Variants in WWOX observed in about 807,000 individuals in gnomAD.
WWOX encodes the protein WW domain containing oxidoreductase.
Under a neutral mutation model 46.2 loss-of-function variants are expected in WWOX, and 69 were observed. That is an observed-to-expected ratio of 1.49 (90% confidence interval 1.23 to 1.82). The LOEUF is 1.82. WWOX is among the 40% of genes most tolerant of loss of function. The probability of loss-of-function intolerance (pLI) is 0.00; values close to 1 mark genes in which losing one functional copy is unlikely to be tolerated. For missense variants in WWOX, 919 were observed against 542.6 expected, an observed-to-expected ratio of 1.69 and a Z score of -6.89; for synonymous variants, 359 against 202.6, an observed-to-expected ratio of 1.77 and a Z score of -6.56.
intron 8 of WWOX, among the ~76,000 whole-genome samples, chr16:79,073,917 CT>C (rs2048599686): frequency 6.6e-6 from 1 of 151,742 alleles, no homozygotes; most frequent in Non-Finnish European, 1.5e-5. Context: ...TTTTAATTTC[CT>C]TTTTCTAGCA....
chr16:78,273,931 A>T (rs1432773333), intron 5 of WWOX, among the ~76,000 whole-genome samples: 1 of 152,148 alleles, frequency 6.6e-6, no homozygotes. Context: ...TAGATCTGGC[A>T]CTCAGGAGGG....
chr16:78,805,216 C>A (rs191749495), intron 8 of WWOX, among the ~76,000 whole-genome samples: 2 of 152,244 alleles, frequency 1.3e-5, no homozygotes, highest in East Asian at 3.9e-4. Flanking sequence ...CTGATGAGTT[C>A]ACCACTGCCT....
chr16:78,528,727 G>A (rs866007905), intron 8 of WWOX, among the ~76,000 whole-genome samples: 9 of 151,842 alleles, frequency 5.9e-5, no homozygotes, highest in East Asian at 3.9e-4. Flanking sequence ...AAATTTGGCC[G>A]GTGAAAATGA....
intron 5 of WWOX, chr16:78,270,608 G>T (rs62035667): frequency 6.6e-6 from 1 of 152,216 alleles, no homozygotes; most frequent in Non-Finnish European, 1.5e-5. Context: ...GAAGTCCTCT[G>T]TATCTGATCC....
At chr16:78,968,118 GGCACAGCGC>G in intron 8 of WWOX, among the ~76,000 whole-genome samples, 1 of 7,512 alleles carries the variant, frequency 1.3e-4, no homozygotes, top group Non-Finnish European at 5.5e-4. Context: ...TGGTCCGCGT[GGCACAGCGC>G]GTGGTCCGTG....
intron 4 of WWOX, 63 bp from the exon 5 acceptor site, chr16:78,164,120 A>G: frequency 6.8e-6 from 10 of 1,470,382 alleles, no homozygotes; most frequent in South Asian, 1.2e-5. Flanking sequence ...GGTAAAGGCC[A>G]TTCAACATGA....
intron 1 of WWOX, among the ~76,000 whole-genome samples, chr16:78,106,923 C>A (rs151251844): frequency 6.6e-6 from 1 of 152,174 alleles, no homozygotes; most frequent in African/African-American, 2.4e-5. Context: ...GCATGGGCTG[C>A]TCAGGTCTTC....
chr16:78,578,942 C>G (rs1410006979), intron 8 of WWOX, among the ~76,000 whole-genome samples: 2 of 152,176 alleles, frequency 1.3e-5, no homozygotes, highest in Non-Finnish European at 2.9e-5. Context: ...GTTGATATTA[C>G]TTATGAACTT....
chr16:79,033,155 A>T (rs1270978569), intron 8 of WWOX, among the ~76,000 whole-genome samples: 1 of 145,296 alleles, frequency 6.9e-6, no homozygotes, highest in Non-Finnish European at 1.5e-5. Context: ...TATATATATA[A>T]TATATATATA....
At chr16:78,443,475 C>T (rs542348120) in intron 8 of WWOX, among the ~76,000 whole-genome samples, 18 of 152,198 alleles carry the variant, frequency 1.2e-4, no homozygotes, top group Non-Finnish European at 2.5e-4. Flanking sequence ...GAAACATTGG[C>T]CACTTTCTTG....
intron 5 of WWOX, among the ~76,000 whole-genome samples, chr16:78,210,182 A>T (rs947078277): frequency 4.6e-5 from 7 of 152,210 alleles, no homozygotes; most frequent in Non-Finnish European, 1.0e-4. Flanking sequence ...TTGCTTCAAT[A>T]TTCAAAGTAC....
intron 8 of WWOX, among the ~76,000 whole-genome samples, chr16:78,748,112 A>G (rs1465807619): frequency 6.6e-6 from 1 of 151,638 alleles, no homozygotes; most frequent in African/African-American, 2.4e-5. Context: ...CCCAGACCGG[A>G]CCCTCCACTC....
At chr16:78,691,665 G>A (rs2047990832) in intron 8 of WWOX, among the ~76,000 whole-genome samples, 2 of 152,122 alleles carry the variant, frequency 1.3e-5, no homozygotes, top group South Asian at 4.1e-4. Flanking sequence ...CCGTGTTGCT[G>A]CCACTGTACT....
intron 5 of WWOX, among the ~76,000 whole-genome samples, chr16:78,261,784 CTATCTATATATATA>C (rs1458391295): frequency 5.9e-5 from 3 of 50,898 alleles, no homozygotes; most frequent in African/African-American, 3.7e-4. Flanking sequence ...ATCTATCTAT[CTATCTATATATATA>C]TATATATATA....
chr16:78,451,921 C>T (rs1057236454), intron 8 of WWOX, among the ~76,000 whole-genome samples: 1 of 152,146 alleles, frequency 6.6e-6, no homozygotes, highest in African/African-American at 2.4e-5. Context: ...GAAATTATAA[C>T]GTAATGTATT....
intron 8 of WWOX, among the ~76,000 whole-genome samples, chr16:78,935,752 T>TA (rs886219184): frequency 2.0e-4 from 29 of 146,472 alleles, no homozygotes; most frequent in East Asian, 1.6e-3. Flanking sequence ...ACTTAAAGTA[T>TA]AAAAAAAAAA....
chr16:78,240,296 T>C (rs1025003875), intron 5 of WWOX, among the ~76,000 whole-genome samples: 1 of 150,932 alleles, frequency 6.6e-6, no homozygotes, highest in Admixed American at 6.6e-5. Context: ...CTGGGCAATA[T>C]AGCAAGACCC....
In WWOX at chr16:78,182,415, C is replaced by G. The variant is rs142559110; in HGVS notation, c.516+18126C>G. ...CTGCTGTTGCTAAACCTTCCTGTCTCTCTGCATCTTGGCACAGACTATGTC... is the reference window on the plus strand; with the variant it reads ...CTGCTGTTGCTAAACCTTCCTGTCTGTCTGCATCTTGGCACAGACTATGTC... On this transcript the variant is annotated intron_variant, in intron 5 of 8. Transcript: ENST00000566780. Among the ~76,000 whole-genome samples the G allele has an allele frequency of 1.3e-3, 191 of 152,090 alleles. 3 individuals carry two copies. Among genetic ancestry groups the G allele is most frequent in the African/African-American group, 4.2e-3 (175 of 41,488 alleles).
chr16:78,458,428 G>A (rs545475288), intron 8 of WWOX, among the ~76,000 whole-genome samples: 35 of 151,814 alleles, frequency 2.3e-4, no homozygotes, highest in Admixed American at 1.7e-3. Flanking sequence ...TTCGGCTAAT[G>A]TTTTTAATTT....
Sources: allele counts gnomAD v4.1 joint callset (sites outside exome capture counted in the v4.1 genomes callset), GRCh38; gene constraint gnomAD v4.1.1; transcripts MANE v1.5; gene names NCBI Gene and HGNC (gene_info 2026-07-23, HGNC 2026-07-21).